The following CFAP54 variants were observed in gnomAD, a reference collection of about 807,000 sequenced individuals.
The protein encoded by CFAP54 is cilia- and flagella-associated protein 54.
A neutral mutation model predicts 370.4 loss-of-function variants in CFAP54; 290 were observed. That is an observed-to-expected ratio of 0.78 (90% CI 0.71 to 0.86). The LOEUF (loss-of-function observed/expected upper bound fraction) is 0.86. CFAP54 is among the 40% of genes least tolerant of loss of function. The pLI, the probability that CFAP54 is intolerant of heterozygous loss-of-function variation, is 0.00. For missense variants in CFAP54, 3,399 were observed against 3,528.7 expected, an observed-to-expected ratio of 0.96 and a Z score of 0.93; for synonymous variants, 1,206 against 1,236.5, an observed-to-expected ratio of 0.98 and a Z score of 0.52.
chr12:96,870,844 G>A (rs1304136238), intron 67 of CFAP54, among the ~76,000 whole-genome samples: 2 of 152,152 alleles, frequency 1.3e-5, no homozygotes, highest in African/African-American at 4.8e-5. Flanking sequence ...AGTCCCTGGG[G>A]AATGACTAAA....
chr12:96,492,605 T>C (rs1954896810), intron 1 of CFAP54, among the ~76,000 whole-genome samples: 1 of 152,230 alleles, frequency 6.6e-6, no homozygotes, highest in Non-Finnish European at 1.5e-5. Flanking sequence ...ACTTTGGATG[T>C]GTTTCTTTTT....
At chr12:96,849,668 C>G (rs939293666) in intron 66 of CFAP54, among the ~76,000 whole-genome samples, 1 of 152,128 alleles carries the variant, frequency 6.6e-6, no homozygotes, top group African/African-American at 2.4e-5. Context: ...TGGCAAATAA[C>G]CTTTAACTCT....
At chr12:96,659,491 A>T (rs796921712) in intron 38 of CFAP54, among the ~76,000 whole-genome samples, 38 of 152,328 alleles carry the variant, frequency 2.5e-4, no homozygotes, top group African/African-American at 8.9e-4. Context: ...AATAAGAAGA[A>T]AAAAATAACT....
chr12:96,853,099 T>C (rs1420320664), intron 66 of CFAP54, among the ~76,000 whole-genome samples: 1 of 152,170 alleles, frequency 6.6e-6, no homozygotes, highest in East Asian at 1.9e-4. Flanking sequence ...GTACCTGGTG[T>C]ATATGCCTAA....
At chr12:96,522,030 A>C in intron 7 of CFAP54, 58 bp from the exon 8 acceptor site, 1 of 1,522,424 alleles carries the variant, frequency 6.6e-7, no homozygotes, top group Non-Finnish European at 8.8e-7. Flanking sequence ...TTAAATACTT[A>C]GTAGTTGGGA....
chr12:96,656,609 G>A (rs1016260751), intron 36 of CFAP54, among the ~76,000 whole-genome samples: 5 of 152,208 alleles, frequency 3.3e-5, no homozygotes, highest in African/African-American at 7.2e-5. Flanking sequence ...TCAAACTCCC[G>A]ACCTCAGTTG....
Position 96,663,878 on chromosome 12 carries a change from A to G in CFAP54, c.5509A>G (p.Thr1837Ala), listed in dbSNP as rs372838038. ...IGKQLKINSSTIEATSNCTDL... is the reference protein window; with the variant it reads ...IGKQLKINSSAIEATSNCTDL... ...GAAGCAGCTTAAGATTAATTCTTCAACCATTGAAGCAACAAGCAACTGCAC... is the reference window on the plus strand; with the variant it reads ...GAAGCAGCTTAAGATTAATTCTTCAGCCATTGAAGCAACAAGCAACTGCAC... The change falls in exon 39 of 68, where the codon ACC (threonine) becomes GCC (alanine). Residue 1837 changes from threonine to alanine, a missense_variant. By Grantham distance (58) the Thr-to-Ala change is moderately conservative. Coordinates refer to ENST00000524981, the MANE Select transcript of CFAP54 (RefSeq NM_001306084.2). 2.9e-5 allele frequency: 46 copies of G among 1,613,332 alleles called. No individual in the cohort carries two copies. The highest frequency in any genetic ancestry group is 3.6e-5 in the Non-Finnish European group (42 of 1,179,680).
In CFAP54 at chr12:96,538,530, G is replaced by C. The variant is rs535274062; in HGVS notation, c.1926+12G>C. ...TCAGTACTAACAAAGTATTCCTTTCGCATTCCCTTTCACGTGTTTTTTTTG... is the reference window on the plus strand; with the variant it reads ...TCAGTACTAACAAAGTATTCCTTTCCCATTCCCTTTCACGTGTTTTTTTTG... On this transcript the variant is annotated intron_variant, in intron 13 of 67. Transcript: ENST00000524981. The C allele has an allele frequency of 1.4e-5, 22 of 1,532,686 alleles. No homozygotes were observed. In the South Asian group the frequency reaches 2.3e-4, roughly 16 times the overall value. The allele number at this position is 1,532,686 out of a possible 1,614,324, so 94.9% of individuals were successfully genotyped here. A position where few individuals can be genotyped will look rare whatever the true frequency, so the allele number is the denominator to read the frequency against.
chr12:96,525,848 G>T (rs1955374925), intron 8 of CFAP54, among the ~76,000 whole-genome samples: 1 of 152,144 alleles, frequency 6.6e-6, no homozygotes, highest in South Asian at 2.1e-4. Context: ...GCGCCACCAT[G>T]CCTGGCTAAT....
chr12:96,621,477 G>C (rs991966965), intron 26 of CFAP54, 113 bp from the exon 27 acceptor site: 5 of 666,832 alleles, frequency 7.5e-6, no homozygotes, highest in Non-Finnish European at 1.1e-5. Context: ...ATAAAAGGGG[G>C]ATTCTTAGAC....
At chr12:96,849,330 C>T (rs1284776938) in intron 66 of CFAP54, among the ~76,000 whole-genome samples, 5 of 152,124 alleles carry the variant, frequency 3.3e-5, no homozygotes, top group African/African-American at 7.2e-5. Flanking sequence ...ACAAGTCTCT[C>T]AATTGTTCAA....
intron 50 of CFAP54, among the ~76,000 whole-genome samples, chr12:96,722,487 G>C (rs1159079468): frequency 6.6e-6 from 1 of 152,174 alleles, no homozygotes; most frequent in Non-Finnish European, 1.5e-5. Flanking sequence ...AGTGAGTGAG[G>C]GGCAGAGTTG....
At chr12:96,666,425 A>G (rs1957081084) in intron 39 of CFAP54, among the ~76,000 whole-genome samples, 1 of 152,244 alleles carries the variant, frequency 6.6e-6, no homozygotes, top group Non-Finnish European at 1.5e-5. Flanking sequence ...CTGCTCATAA[A>G]GACATACCTG....
At chr12:96,810,451 T>C (rs938781874) in intron 63 of CFAP54, among the ~76,000 whole-genome samples, 2 of 152,202 alleles carry the variant, frequency 1.3e-5, no homozygotes, top group Non-Finnish European at 2.9e-5. Context: ...AGAGAGTTTT[T>C]TCCTCCTCTT....
intron 39 of CFAP54, among the ~76,000 whole-genome samples, chr12:96,664,737 A>C (rs1310121295): frequency 2.4e-4 from 6 of 24,556 alleles, no homozygotes; most frequent in Admixed American, 5.1e-4. Flanking sequence ...ATATATATAT[A>C]TCTATATATA....
At chr12:96,720,225 G>A (rs950418533) in intron 49 of CFAP54, among the ~76,000 whole-genome samples, 180 bp from the exon 50 acceptor site, 10 of 152,092 alleles carry the variant, frequency 6.6e-5, no homozygotes, top group Non-Finnish European at 1.2e-4. Flanking sequence ...TTTCCTTTTC[G>A]TTTTCTGTTG....
Position 96,630,627 on chromosome 12 carries a change from T to G in CFAP54, c.4292T>G (p.Ile1431Ser), listed in dbSNP as rs1282753773. ...GATTTCATTTTTAAAAATCCGGCTA[T>G]TTCTGAAATGGTGGCACATGAAAGG... ...LRDFIFKNPAISEMVAHERNR... is the reference protein window; with the variant it reads ...LRDFIFKNPASSEMVAHERNR... Residue 1431 changes from isoleucine to serine, a missense_variant, in exon 32 of 68, where the codon ATT becomes AGT. Physicochemically the swap from Ile to Ser is moderately radical, Grantham distance 142. Around this residue, in one of 3 missense-constraint regions of CFAP54, gnomAD observed 2,796 missense variants for 2,869.7 expected, o/e 0.97. Coordinates refer to ENST00000524981, the MANE Select transcript of CFAP54 (RefSeq NM_001306084.2). 6.7e-7 allele frequency: 1 copy of G among 1,497,984 alleles called. No individual in the cohort carries two copies. The highest frequency in any genetic ancestry group is 2.5e-5 in the East Asian group (1 of 39,848). 92.8% of individuals were successfully genotyped at this position (1,497,984 alleles called of 1,614,324 possible).
At chr12:96,720,601 G>A (rs1957739890) in intron 50 of CFAP54, 36 bp downstream of exon 50, 11 of 1,356,802 alleles carry the variant, frequency 8.1e-6, no homozygotes, top group Non-Finnish European at 1.1e-5. Context: ...GGATACCTTT[G>A]AAGAGAGTTC....
At chr12:96,841,295 G>A (rs1467853962) in intron 66 of CFAP54, among the ~76,000 whole-genome samples, 1 of 152,214 alleles carries the variant, frequency 6.6e-6, no homozygotes, top group African/African-American at 2.4e-5. Context: ...GCAGGTGAGA[G>A]ACAGGGGAAT....
Sources: allele counts gnomAD v4.1 joint callset (sites outside exome capture counted in the v4.1 genomes callset), GRCh38; gene constraint gnomAD v4.1.1; regional missense constraint gnomAD v4.1.1; transcripts MANE v1.5; gene names NCBI Gene and HGNC (gene_info 2026-07-23, HGNC 2026-07-21).